TCEANC2: variants seen among roughly 807,000 people sequenced by gnomAD.
TCEANC2 encodes transcription elongation factor A N-terminal and central domain-containing protein 2.
TCEANC2 carries 20 observed loss-of-function variants against 22.8 expected under a neutral mutation model. The ratio of observed to expected loss-of-function variants is 0.88; its 90% CI spans 0.62 to 1.28. The LOEUF (loss-of-function observed/expected upper bound fraction) is 1.28. TCEANC2 is among the 50% of genes most tolerant of loss of function. The pLI is 0.00. For synonymous variants in TCEANC2, 84 were observed against 95.5 expected (o/e 0.88, Z 0.70); for missense variants, 251 against 249.7 (o/e 1.01, Z -0.03).
chr1:54,091,865 C>T (rs1658453211), intron 4 of TCEANC2, among the ~76,000 whole-genome samples: 1 of 152,116 alleles, frequency 6.6e-6, no homozygotes, highest in South Asian at 2.1e-4. Context: ...TGATCATTTT[C>T]CTATTATGTC....
chr1:54,054,308 T>A, intron 1 of TCEANC2, 73 bp from the exon 2 acceptor site: 2 of 1,510,332 alleles, frequency 1.3e-6, no homozygotes. Flanking sequence ...AGAACTCAAT[T>A]GTGTTACTTT....
At chr1:54,068,443 G>A (rs1181214869) in intron 2 of TCEANC2, among the ~76,000 whole-genome samples, 1 of 152,210 alleles carries the variant, frequency 6.6e-6, no homozygotes, top group Non-Finnish European at 1.5e-5. Context: ...GAGCTATAGA[G>A]TTGATTCACC....
At chr1:54,076,367 G>T (rs1003715704) in intron 3 of TCEANC2, among the ~76,000 whole-genome samples, 1 of 152,112 alleles carries the variant, frequency 6.6e-6, no homozygotes. Flanking sequence ...TTGGTTTTCT[G>T]TTCCTGCGTT....
intron 2 of TCEANC2, among the ~76,000 whole-genome samples, chr1:54,058,365 G>A (rs922813918): frequency 1.3e-5 from 2 of 151,998 alleles, no homozygotes; most frequent in East Asian, 3.9e-4. Context: ...CTGTATCATT[G>A]CACTTATTTG....
rs956308567 is a variant in TCEANC2 at position 54,098,113 on chromosome 1, C to G, written c.*1640C>G. ...ATGCTGATGACATTCCAGTTTGTATCGTCAGCCCAGACCTGTCCCCTGACT... is the reference window on the plus strand; with the variant it reads ...ATGCTGATGACATTCCAGTTTGTATGGTCAGCCCAGACCTGTCCCCTGACT... On this transcript the variant is annotated 3_prime_UTR_variant, in exon 5 of 5. Coordinates refer to ENST00000234827, the MANE Select transcript of TCEANC2 (RefSeq NM_153035.3). 1 of 152,166 alleles carries G rather than the reference C, an allele frequency of 6.6e-6. No individual in the cohort carries two copies. Among genetic ancestry groups the G allele is most frequent in the African/African-American group, 2.4e-5 (1 of 41,410 alleles). 9.4% of individuals were successfully genotyped at this position (152,166 alleles called of 1,614,324 possible). A position where few individuals can be genotyped will look rare whatever the true frequency, so the allele number is the denominator to read the frequency against.
intron 3 of TCEANC2, among the ~76,000 whole-genome samples, chr1:54,074,019 A>C (rs1658102555): frequency 6.6e-6 from 1 of 152,216 alleles, no homozygotes; most frequent in African/African-American, 2.4e-5. Flanking sequence ...AGGTGGAGGG[A>C]ATAATAAGTT....
At chr1:54,090,113 G>A in intron 4 of TCEANC2, 1 of 543,800 alleles carries the variant, frequency 1.8e-6, no homozygotes, top group Non-Finnish European at 3.4e-6. Flanking sequence ...TCCAGCTGGT[G>A]TAATAATGAA....
At position 54,054,621 on chromosome 1, in the gene TCEANC2, G is replaced by C. The variant is rs1331406101; in HGVS notation, c.102+97G>C. On this transcript the variant is annotated intron_variant, in intron 2 of 4. Coordinates refer to ENST00000234827, the MANE Select transcript of TCEANC2 (RefSeq NM_153035.3). ...TGGAAAGACCTATGAATTATTTCTT[G>C]TTATGCCTCCTCCTCAAAGTGTACC... is the stretch of plus-strand genomic sequence containing the variant. The C allele has an allele frequency of 4.1e-6, 5 of 1,222,896 alleles. No homozygotes were observed. The African/African-American group carries it at 7.6e-5, about 19-fold the overall frequency. The allele number at this position is 1,222,896 out of a possible 1,614,324, so 75.8% of individuals were successfully genotyped here. A position where few individuals can be genotyped will look rare whatever the true frequency, so the allele number is the denominator to read the frequency against.
At chr1:54,076,061 GTTTTA>G (rs1461059501) in intron 3 of TCEANC2, among the ~76,000 whole-genome samples, 1 of 151,492 alleles carries the variant, frequency 6.6e-6, no homozygotes, top group South Asian at 2.1e-4. Context: ...GAAGAAACGT[GTTTTA>G]TTTTATTTTA....
Position 54,105,792 on chromosome 1 carries a change from T to C in TCEANC2, c.*9319T>C, listed in dbSNP as rs772230521. 1.3e-5 allele frequency: 2 copies of C among 152,102 alleles called. No homozygotes were observed. Among genetic ancestry groups the C allele is most frequent in the Non-Finnish European group, 2.9e-5 (2 of 68,040 alleles). The allele number at this position is 152,102 out of a possible 1,614,324, so 9.4% of individuals were successfully genotyped here. A position where few individuals can be genotyped will look rare whatever the true frequency, so the allele number is the denominator to read the frequency against. Reference sequence around the variant, plus strand: ...CCATGCCACCACACCCAGCTAATTTTTTTATTTTTAGAGAGATTGGGTTTC... The same window carrying C: ...CCATGCCACCACACCCAGCTAATTTCTTTATTTTTAGAGAGATTGGGTTTC... On this transcript the variant is annotated 3_prime_UTR_variant, in exon 5 of 5. Transcript: ENST00000234827.
intron 2 of TCEANC2, among the ~76,000 whole-genome samples, chr1:54,068,062 T>A (rs1226651587): frequency 6.6e-6 from 1 of 152,258 alleles, no homozygotes; most frequent in African/African-American, 2.4e-5. Flanking sequence ...TTTACCCAGA[T>A]TCTTTAACTG....
intron 4 of TCEANC2, among the ~76,000 whole-genome samples, chr1:54,094,842 A>G (rs1406997144): frequency 3.9e-5 from 6 of 152,286 alleles, no homozygotes; most frequent in African/African-American, 1.4e-4. Context: ...AGACAAACTT[A>G]AAATATAGAT....
intron 3 of TCEANC2, among the ~76,000 whole-genome samples, chr1:54,084,547 A>G (rs1658302163): frequency 6.6e-6 from 1 of 152,096 alleles, no homozygotes; most frequent in Non-Finnish European, 1.5e-5. Context: ...AGCACCAGGC[A>G]TAAGGTAAAT....
chr1:54,091,278 C>T (rs1322554925), intron 4 of TCEANC2, among the ~76,000 whole-genome samples: 1 of 152,152 alleles, frequency 6.6e-6, no homozygotes, highest in Non-Finnish European at 1.5e-5. Flanking sequence ...CACCTATCAT[C>T]ATCTGAGATA....
At chr1:54,063,199 C>T (rs1414406428) in intron 2 of TCEANC2, among the ~76,000 whole-genome samples, 1 of 152,110 alleles carries the variant, frequency 6.6e-6, no homozygotes, top group Non-Finnish European at 1.5e-5. Context: ...GAATTGATCT[C>T]CTATGTGAAG....
chr1:54,088,072 C>T (rs1184406392), intron 3 of TCEANC2, among the ~76,000 whole-genome samples: 1 of 152,164 alleles, frequency 6.6e-6, no homozygotes, highest in East Asian at 1.9e-4. Context: ...TAGATGATGA[C>T]AGCTCATCCC....
chr1:54,093,805 A>G (rs1658491085), intron 4 of TCEANC2, among the ~76,000 whole-genome samples: 1 of 147,536 alleles, frequency 6.8e-6, no homozygotes, highest in African/African-American at 2.5e-5. Context: ...AAACACATAT[A>G]CCCTTCTTCT....
intron 3 of TCEANC2, among the ~76,000 whole-genome samples, chr1:54,078,824 G>C (rs2100371864): frequency 6.6e-6 from 1 of 152,300 alleles, no homozygotes; most frequent in Non-Finnish European, 1.5e-5. Flanking sequence ...AGAGGAGCCA[G>C]ATAAAGAGAC....
intron 4 of TCEANC2, among the ~76,000 whole-genome samples, chr1:54,091,628 T>C (rs1212960584): frequency 6.6e-6 from 1 of 152,236 alleles, no homozygotes; most frequent in Non-Finnish European, 1.5e-5. Flanking sequence ...CTACAGATCT[T>C]GCTTTCTAGA....
Sources: gnomAD v4.1 joint callset for allele counts (sites outside exome capture counted in the v4.1 genomes callset) on GRCh38, gnomAD v4.1.1 for gene constraint, MANE v1.5 for transcripts, NCBI Gene and HGNC (gene_info 2026-07-23, HGNC 2026-07-21) for gene names.